The following PCDHA4 variants were observed in gnomAD, a reference collection of about 807,000 sequenced individuals.
PCDHA4 encodes the protein protocadherin alpha-4.
A neutral mutation model predicts 61.4 loss-of-function variants in PCDHA4; 49 were observed. The observed-to-expected ratio is 0.80, with a 90% CI of 0.63 to 1.01. PCDHA4 has a LOEUF of 1.01. Among genes scored for constraint, PCDHA4 ranks in the 50% least tolerant of loss-of-function variants. The pLI, the probability that PCDHA4 is intolerant of heterozygous loss-of-function variation, is 0.00. For missense variants in PCDHA4, 1,254 were observed against 1,235.8 expected, an observed-to-expected ratio of 1.01 and a Z score of -0.22; for synonymous variants, 590 against 550.3, an observed-to-expected ratio of 1.07 and a Z score of -1.01.
intron 1 of PCDHA4, among the ~76,000 whole-genome samples, chr5:140,901,060 AT>A (rs542927280): frequency 1.3e-5 from 2 of 151,130 alleles, no homozygotes; most frequent in East Asian, 3.9e-4. Flanking sequence ...AGATTATTAG[AT>A]TTTTTTTTCT....
At chr5:140,828,010 G>T in intron 1 of PCDHA4, 1 of 1,506,712 alleles carries the variant, frequency 6.6e-7, no homozygotes, top group South Asian at 1.3e-5. Context: ...CAGAAGAAAT[G>T]GATTAATAAA....
chr5:140,849,581 C>T lies in PCDHA4; in HGVS notation c.2385+40009C>T. The T allele has an allele frequency of 3.1e-6, 5 of 1,598,698 alleles. 1 individual carries two copies. Among genetic ancestry groups the T allele is most frequent in the Non-Finnish European group, 4.3e-6 (5 of 1,167,986 alleles). On this transcript the variant is annotated intron_variant, in intron 1 of 3. Transcript: ENST00000530339. ...CGCTCTCGGTTCCTGTAAAAGAGGA[C>T]GCACAACTGGGGACAGTTATTGCCC...
rs149448038 is a variant in PCDHA4 at position 140,843,600 on chromosome 5, C to T, written c.2385+34028C>T. On this transcript the variant is annotated intron_variant, in intron 1 of 3. Coordinates refer to ENST00000530339, the MANE Select transcript of PCDHA4 (RefSeq NM_018907.4). Reference sequence around the variant, plus strand: ...CAACAACAGCCGCAGAGGGTGTGCTCTGGTGAGGGGCCACCGAAGACGGAC... The same window carrying T: ...CAACAACAGCCGCAGAGGGTGTGCTTTGGTGAGGGGCCACCGAAGACGGAC... The T allele has an allele frequency of 1.0e-4, 165 of 1,596,060 alleles. 9 individuals are homozygous for T. The African/African-American group carries it at 2.0e-3, about 20-fold the overall frequency.
Position 140,882,752 on chromosome 5 carries a change from A to G in PCDHA4, c.2385+73180A>G, listed in dbSNP as rs1457424583. 4 of 1,614,130 alleles carry G rather than the reference A, an allele frequency of 2.5e-6. No individual in the cohort carries two copies. In the East Asian group the frequency reaches 8.9e-5, roughly 36 times the overall value. On this transcript the variant is annotated intron_variant, in intron 1 of 3. Coordinates refer to ENST00000530339, the MANE Select transcript of PCDHA4 (RefSeq NM_018907.4). Reference sequence around the variant, plus strand: ...ACTAGATGGCGCATCCGATGCAGATATTGGAGTAAACTCGGCATTGACCTA... The same window carrying G: ...ACTAGATGGCGCATCCGATGCAGATGTTGGAGTAAACTCGGCATTGACCTA...
intron 1 of PCDHA4, chr5:140,882,602 A>T: frequency 6.2e-7 from 1 of 1,614,276 alleles, no homozygotes; most frequent in Non-Finnish European, 8.5e-7. Flanking sequence ...GATCGTGGAC[A>T]GGCCTCTGCA....
chr5:140,998,442 T>G lies in PCDHA4; in HGVS notation c.2534-11185T>G, dbSNP rs368931467. On this transcript the variant is annotated intron_variant, in intron 3 of 3. Coordinates refer to ENST00000530339, the MANE Select transcript of PCDHA4 (RefSeq NM_018907.4). ...GGTTTATCCTTTAACACTATTATTGTATTTATTCATTTACTTGTCTTTTCC... is the reference window on the plus strand; with the variant it reads ...GGTTTATCCTTTAACACTATTATTGGATTTATTCATTTACTTGTCTTTTCC... 1.7e-4 allele frequency among the ~76,000 whole-genome samples: 26 copies of G among 152,352 alleles called. No individual in the cohort carries two copies. In the South Asian group the frequency reaches 5.2e-3, roughly 30 times the overall value.
At chr5:140,892,363 G>T (rs1485881453) in intron 1 of PCDHA4, among the ~76,000 whole-genome samples, 1 of 152,120 alleles carries the variant, frequency 6.6e-6, no homozygotes, top group African/African-American at 2.4e-5. Context: ...CAGGCATCTT[G>T]GGGCACTAGC....
chr5:140,857,928 C>A (rs529968685), intron 1 of PCDHA4: 1 of 1,597,668 alleles, frequency 6.3e-7, no homozygotes, highest in East Asian at 2.2e-5. Flanking sequence ...GGGCTGTACA[C>A]GGGCGAGATC....
chr5:140,881,220 G>A (rs1437715335), intron 1 of PCDHA4: 1 of 247,310 alleles, frequency 4.0e-6, no homozygotes, highest in Non-Finnish European at 6.5e-6. Context: ...TTGTTTCTTG[G>A]AAAATTAAAG....
intron 1 of PCDHA4, chr5:140,836,357 G>C: frequency 3.7e-6 from 6 of 1,613,654 alleles, no homozygotes; most frequent in Non-Finnish European, 5.1e-6. Context: ...GGGAGCCCTC[G>C]CTGACAGCCA....
intron 3 of PCDHA4, among the ~76,000 whole-genome samples, chr5:140,996,928 G>A (rs114173550): frequency 6.6e-6 from 1 of 152,032 alleles, no homozygotes; most frequent in African/African-American, 2.4e-5. Flanking sequence ...AAAAAATATA[G>A]CATTTTTGCA....
At chr5:140,919,393 T>C (rs2079115816) in intron 1 of PCDHA4, among the ~76,000 whole-genome samples, 1 of 152,222 alleles carries the variant, frequency 6.6e-6, no homozygotes, top group South Asian at 2.1e-4. Flanking sequence ...GGATGTTGTT[T>C]TCCTAAAAAC....
chr5:140,871,427 T>C (rs782140666), intron 1 of PCDHA4: 1 of 1,613,326 alleles, frequency 6.2e-7, no homozygotes, highest in South Asian at 1.1e-5. Context: ...AGCCCCAGTC[T>C]TCCTCTAGGT....
At chr5:140,867,027 C>T (rs1043288554) in intron 1 of PCDHA4, 4 of 152,102 alleles carry the variant, frequency 2.6e-5, no homozygotes, top group Non-Finnish European at 5.9e-5. Context: ...ATATCAAACT[C>T]TTTTATGACT....
rs782729225 is a variant in PCDHA4 at position 140,808,755 on chromosome 5, T to C, written c.1568T>C (p.Leu523Pro). Residue 523 changes from leucine (L) to proline (P), a missense_variant, in exon 1 of 4, where the codon CTG becomes CCG. By Grantham distance (98) the Leu-to-Pro change is moderately conservative. Transcript: ENST00000530339. ...GGCAAGGTGTACGCGCTGCAGCCGC[T>C]GGACCACGAGGAGCTAGAGCTGCTG... is the stretch of plus-strand genomic sequence containing the variant. ...ESGKVYALQP[L>P]DHEELELLQF... 113 of 1,612,122 alleles carry C rather than the reference T, an allele frequency of 7.0e-5. 1 individual carries two copies. The South Asian group carries it at 1.0e-3, about 14-fold the overall frequency.
chr5:140,966,665 G>A, intron 1 of PCDHA4: 1 of 1,258,258 alleles, frequency 7.9e-7, no homozygotes. Flanking sequence ...GGGGGAGCAG[G>A]CGCAGGGTGG....
chr5:140,866,677 G>A (rs782218499), intron 1 of PCDHA4: 2 of 152,084 alleles, frequency 1.3e-5, no homozygotes, highest in African/African-American at 2.4e-5. Context: ...AATAGCACTA[G>A]GTCTGTTAGA....
Position 140,809,334 on chromosome 5 carries a change from T to G in PCDHA4, c.2147T>G (p.Leu716Arg), listed in dbSNP as rs782036778. 2 of 1,613,974 alleles carry G rather than the reference T, an allele frequency of 1.2e-6. No homozygotes were observed. Among genetic ancestry groups the G allele is most frequent in the African/African-American group, 2.7e-5 (2 of 74,948 alleles). ...AVSSLLVLTLLLYTALRCSAL... is the reference protein window; with the variant it reads ...AVSSLLVLTLRLYTALRCSAL... ...TCCAGCCTTTTGGTGCTCACGCTGC[T>G]GCTGTACACCGCGCTGCGGTGCTCT... The change falls in exon 1 of 4, where the codon CTG becomes CGG. Residue 716 changes from leucine to arginine, a missense_variant. Physicochemically the swap from Leu to Arg is moderately radical, Grantham distance 102. Transcript: ENST00000530339.
Position 140,808,194 on chromosome 5 carries a change from T to A in PCDHA4, c.1007T>A (p.Val336Asp). 1 of 1,614,158 alleles carries A rather than the reference T, an allele frequency of 6.2e-7. No individual in the cohort carries two copies. Residue 336 changes from valine to aspartate, a missense_variant, in exon 1 of 4, where the codon GTT (valine) becomes GAT (aspartate). Transcript: ENST00000530339. Reference protein sequence around the residue: ...GQLPLSGHCRVIVEVEDNNDN... With the variant: ...GQLPLSGHCRDIVEVEDNNDN... ...CTCCCACTTTCTGGCCATTGTAGAGTTATTGTGGAAGTAGAAGACAACAAC... is the reference window on the plus strand; with the variant it reads ...CTCCCACTTTCTGGCCATTGTAGAGATATTGTGGAAGTAGAAGACAACAAC...
Sources: gnomAD v4.1 joint callset for allele counts (sites outside exome capture counted in the v4.1 genomes callset) on GRCh38, gnomAD v4.1.1 for gene constraint, MANE v1.5 for transcripts, NCBI Gene and HGNC (gene_info 2026-07-23, HGNC 2026-07-21) for gene names.